The following FAM200A variants were observed in gnomAD, a reference collection of about 807,000 sequenced individuals.
FAM200A encodes the protein ZBED8 like, also known as protein FAM200A.
FAM200A carries 26 observed loss-of-function variants against 44.2 expected under a neutral mutation model. That is an observed-to-expected ratio of 0.59 (90% CI 0.43 to 0.82). FAM200A has a LOEUF of 0.82. Ranked by LOEUF, FAM200A falls within the 40% of genes least tolerant of loss-of-function variation. The pLI is 0.00. For missense variants in FAM200A, 606 were observed against 669.5 expected, an observed-to-expected ratio of 0.91 and a Z score of 1.05; for synonymous variants, 206 against 244.4, an observed-to-expected ratio of 0.84 and a Z score of 1.47.
At chr7:99,553,095 ATATATTTTTTTT>A (rs1299842272), upstream of FAM200A, among the ~76,000 whole-genome samples, 3 of 88,926 alleles carry the variant, frequency 3.4e-5, no homozygotes, top group African/African-American at 1.4e-4. Flanking sequence ...ATATATATAT[ATATATTTTTTTT>A]TTTTTTTTTT....
At chr7:99,551,199 T>G (rs776407497) in intron 1 of FAM200A, among the ~76,000 whole-genome samples, 25 of 152,110 alleles carry the variant, frequency 1.6e-4, no homozygotes, top group Non-Finnish European at 2.9e-4. Flanking sequence ...ACATTCTCTT[T>G]TTTTGTTTTT....
upstream of FAM200A, among the ~76,000 whole-genome samples, chr7:99,553,536 G>A (rs1802616265): frequency 2.6e-5 from 4 of 152,118 alleles, no homozygotes; most frequent in Non-Finnish European, 5.9e-5. Context: ...TCAGTGGCAC[G>A]ATTTAATGTT....
upstream of FAM200A, among the ~76,000 whole-genome samples, chr7:99,553,052 TATATATATATACACACAC>T (rs1299445514): frequency 9.7e-5 from 10 of 102,618 alleles, no homozygotes; most frequent in Admixed American, 3.2e-4. Flanking sequence ...TACACACACA[TATATATATATACACACAC>T]ATATATATAT....
chr7:99,552,476 G>A (rs1802559837), upstream of FAM200A, among the ~76,000 whole-genome samples: 1 of 152,162 alleles, frequency 6.6e-6, no homozygotes, highest in African/African-American at 2.4e-5. Context: ...CTCTTGAGAC[G>A]CTGATTATGT....
intron 1 of FAM200A, among the ~76,000 whole-genome samples, chr7:99,550,999 C>T (rs1008774370): frequency 6.6e-6 from 1 of 151,844 alleles, no homozygotes; most frequent in Non-Finnish European, 1.5e-5. Flanking sequence ...AGCTTGAACT[C>T]GGGCGCTGGA....
rs1373775028 is a variant in FAM200A, at chr7:99,547,800, CAG to C, written c.606_607del (p.Asn202LysfsTer5). ...ACTTGAAATTCCTTTACAATGTTTC[CAG>C]TTTAATTTATACTGACCAAGAAGGC... On this transcript the variant is annotated frameshift_variant, in exon 2 of 2. Transcript: ENST00000449309. LOFTEE classifies it high-confidence loss of function. 7 of 1,551,462 alleles carry C rather than the reference CAG, an allele frequency of 4.5e-6. No individual in the cohort carries two copies.
chr7:99,551,779 G>C, intron 1 of FAM200A, 75 bp downstream of exon 1: 3 of 974,612 alleles, frequency 3.1e-6, no homozygotes, highest in Non-Finnish European at 3.7e-6. Flanking sequence ...GGGTCCAGAA[G>C]GGACACGCAG....
rs894299168 is a variant in FAM200A, at chr7:99,546,353, C to T, written c.*333G>A. Reference sequence around the variant, plus strand: ...GTTTAACTACAACATACTGCAAAATCCCTTTAAAAGTACAAATACAATTTT... The same window carrying T: ...GTTTAACTACAACATACTGCAAAATTCCTTTAAAAGTACAAATACAATTTT... On this transcript the variant is annotated 3_prime_UTR_variant, in exon 2 of 2. Coordinates refer to ENST00000449309, the MANE Select transcript of FAM200A (RefSeq NM_145111.4). 9.8e-6 allele frequency: 2 copies of T among 204,920 alleles called. No individual in the cohort carries two copies. The highest frequency in any genetic ancestry group is 4.6e-5 in the African/African-American group (2 of 43,478). The allele number at this position is 204,920 out of a possible 1,614,324, so 12.7% of individuals were successfully genotyped here. A position where few individuals can be genotyped will look rare whatever the true frequency, so the allele number is the denominator to read the frequency against.
upstream of FAM200A, among the ~76,000 whole-genome samples, chr7:99,553,099 A>ATTT (rs576289512): frequency 2.4e-4 from 15 of 61,396 alleles, no homozygotes; most frequent in South Asian, 5.6e-4. Flanking sequence ...ATATATATAT[A>ATTT]TTTTTTTTTT....
chr7:99,547,806 A>C lies in FAM200A; in HGVS notation c.602T>G (p.Leu201Ter). Residue 201 changes from leucine to a stop codon, truncating the protein, a stop_gained, in exon 2 of 2, where the codon TTA (leucine) becomes TGA (stop). Coordinates refer to ENST00000449309, the MANE Select transcript of FAM200A (RefSeq NM_145111.4). LOFTEE classifies it high-confidence loss of function. ...LENCLLGQYKLNWKHCKGISS... is the reference protein window; with the variant it reads ...LENCLLGQYK Reference sequence around the variant, plus strand: ...AATTCCTTTACAATGTTTCCAGTTTAATTTATACTGACCAAGAAGGCAGTT... The same window carrying C: ...AATTCCTTTACAATGTTTCCAGTTTCATTTATACTGACCAAGAAGGCAGTT... The C allele has an allele frequency of 6.4e-7, 1 of 1,551,628 alleles. No homozygotes were observed. The highest frequency in any genetic ancestry group is 8.7e-7 in the Non-Finnish European group (1 of 1,146,976).
chr7:99,557,824 G>A (rs1194126061), intron 1 of FAM200A, among the ~76,000 whole-genome samples: 1 of 152,228 alleles, frequency 6.6e-6, no homozygotes, highest in Non-Finnish European at 1.5e-5. Flanking sequence ...AAACAAAGTA[G>A]TAACAGCTGA....
chr7:99,553,100 T>TATATATATATA (rs1491325197), upstream of FAM200A, among the ~76,000 whole-genome samples: 22 of 57,162 alleles, frequency 3.8e-4, no homozygotes, highest in African/African-American at 2.0e-3. Context: ...TATATATATA[T>TATATATATATA]TTTTTTTTTT....
At chr7:99,550,849 C>T (rs1359203742) in intron 1 of FAM200A, among the ~76,000 whole-genome samples, 1 of 152,094 alleles carries the variant, frequency 6.6e-6, no homozygotes, top group Non-Finnish European at 1.5e-5. Context: ...CCGAGGCGGG[C>T]GGATCACCTG....
In FAM200A at chr7:99,548,310, T is replaced by C; in HGVS notation, c.98A>G (p.Glu33Gly). The stretch of plus-strand genomic sequence containing the variant: ...GTTTCTTTCCTTTTGAAAATGGTCT[T>C]CTTCATCTTCCTCCTCCACCTTCAC... ...VIVKVEEEDE[E>G]DHFQKERNKV... The change falls in exon 2 of 2, where the codon GAA becomes GGA. Residue 33 changes from glutamate to glycine, a missense_variant. Physicochemically the swap from Glu to Gly is moderately conservative, Grantham distance 98 (BLOSUM62 -2). Coordinates refer to ENST00000449309, the MANE Select transcript of FAM200A (RefSeq NM_145111.4). 1.2e-6 allele frequency: 2 copies of C among 1,614,206 alleles called. No individual in the cohort carries two copies. Among genetic ancestry groups the C allele is most frequent in the Non-Finnish European group, 1.7e-6 (2 of 1,180,032 alleles).
chr7:99,551,747 T>C (rs1023026527), intron 1 of FAM200A, 107 bp downstream of exon 1: 110 of 894,160 alleles, frequency 1.2e-4, no homozygotes, highest in Non-Finnish European at 1.3e-4. Context: ...CGCGCGTCTT[T>C]GGGGTAAAAC....
At position 99,547,859 on chromosome 7, in the gene FAM200A, A is replaced by C; in HGVS notation, c.549T>G (p.Thr183=). 1.3e-6 allele frequency: 2 copies of C among 1,551,220 alleles called. No individual in the cohort carries two copies. The highest frequency in any genetic ancestry group is 1.7e-6 in the Non-Finnish European group (2 of 1,146,886). ...LCCLNLNSHI[T]GLDLFTELEN... ...CTAATTCAGTAAATAAATCTAATCC[A>C]GTTATATGTGAATTTAAATTTAAAC... Residue 183 remains threonine, a synonymous_variant, in exon 2 of 2, where the codon ACT becomes ACG. Transcript: ENST00000449309.
chr7:99,553,054 TATATATATACACACAC>T (rs1297044642), upstream of FAM200A, among the ~76,000 whole-genome samples: 383 of 110,850 alleles, frequency 3.5e-3, 2 homozygotes, highest in Non-Finnish European at 4.7e-3. Context: ...CACACACATA[TATATATATACACACAC>T]ATATATATAT....
rs1328681377 is a variant in FAM200A at position 99,547,190 on chromosome 7, G to A, written c.1218C>T (p.Ile406=). The change falls in exon 2 of 2, where the codon ATC becomes ATT. Residue 406 remains isoleucine (I), a synonymous_variant. Coordinates refer to ENST00000449309, the MANE Select transcript of FAM200A (RefSeq NM_145111.4). ...AGTCTTCATTAATAATGTTCTCTTC[G>A]ATGTGTTGCAATAATGTTGGAAACA... ...YYMFPTLLQH[I]EENIINEDCL... is the part of the protein sequence containing the mutation. The A allele has an allele frequency of 3.2e-6, 5 of 1,548,650 alleles. No individual in the cohort carries two copies. Among genetic ancestry groups the A allele is most frequent in the Non-Finnish European group, 4.4e-6 (5 of 1,146,254 alleles).
Position 99,547,661 on chromosome 7 carries a change from T to C in FAM200A, c.747A>G (p.Val249=). The C allele has an allele frequency of 6.4e-7, 1 of 1,551,256 alleles. No homozygotes were observed. The highest frequency in any genetic ancestry group is 8.7e-7 in the Non-Finnish European group (1 of 1,146,882). The part of the protein sequence containing the change: ...NHCFIHREAL[V]SKEISPSLMD... ...TCAGACTTGGTGAAATTTCTTTGGA[T>C]ACCAAAGCTTCTCGATGAATAAAAC... The change falls in exon 2 of 2, where the codon GTA becomes GTG. Residue 249 remains valine, a synonymous_variant. Coordinates refer to ENST00000449309, the MANE Select transcript of FAM200A (RefSeq NM_145111.4).
Sources: allele counts gnomAD v4.1 joint callset (sites outside exome capture counted in the v4.1 genomes callset), GRCh38; gene constraint gnomAD v4.1.1; transcripts MANE v1.5; gene names NCBI Gene and HGNC (gene_info 2026-07-23, HGNC 2026-07-21).